ATRNL1: variants seen among roughly 807,000 people sequenced by gnomAD.
ATRNL1 encodes attractin-like protein 1.
Under a neutral mutation model 182.7 loss-of-function variants are expected in ATRNL1, and 95 were observed. That is an observed-to-expected ratio of 0.52 (90% CI 0.44 to 0.62). The LOEUF is 0.62. Among genes scored for constraint, ATRNL1 ranks in the 20% least tolerant of loss-of-function variants. The pLI is 0.00. For synonymous variants in ATRNL1, 576 were observed against 568.3 expected (o/e 1.01, Z -0.19); for missense variants, 1,471 against 1,679.5 (o/e 0.88, Z 2.17).
intron 10 of ATRNL1, among the ~76,000 whole-genome samples, chr10:115,244,665 G>T (rs562394455): frequency 4.6e-5 from 7 of 152,128 alleles, no homozygotes; most frequent in Admixed American, 2.0e-4. Flanking sequence ...GGTCAGATTT[G>T]AGAATCCAAA....
chr10:115,206,054 A>G (rs1397525835), intron 8 of ATRNL1, among the ~76,000 whole-genome samples: 1 of 152,038 alleles, frequency 6.6e-6, no homozygotes, highest in Admixed American at 6.6e-5. Context: ...GAACGTCTTT[A>G]TTTCACACTT....
At chr10:115,712,008 T>C (rs1565309134) in intron 26 of ATRNL1, among the ~76,000 whole-genome samples, 1 of 152,284 alleles carries the variant, frequency 6.6e-6, no homozygotes, top group East Asian at 1.9e-4. Context: ...GAGTTAAAAA[T>C]TCTTCAAATA....
chr10:115,103,259 G>A (rs1490461382), intron 1 of ATRNL1, among the ~76,000 whole-genome samples: 2 of 151,770 alleles, frequency 1.3e-5, no homozygotes, highest in African/African-American at 2.4e-5. Context: ...GGCTGGTCTC[G>A]AACTTCTGAC....
intron 26 of ATRNL1, among the ~76,000 whole-genome samples, chr10:115,591,868 A>G (rs1205998615): frequency 2.6e-5 from 4 of 152,120 alleles, no homozygotes; most frequent in African/African-American, 9.7e-5. Flanking sequence ...AGACACGTGC[A>G]CTCTTATTTT....
intron 28 of ATRNL1, among the ~76,000 whole-genome samples, chr10:115,884,413 A>G (rs1380846403): frequency 6.6e-6 from 1 of 152,198 alleles, no homozygotes. Flanking sequence ...CCCATAGTGG[A>G]TCATCTGGCT....
At chr10:115,368,526 A>C (rs11197187) in intron 19 of ATRNL1, among the ~76,000 whole-genome samples, 47,283 of 152,116 alleles carry the variant, frequency 0.31, 8,588 homozygotes, top group Middle Eastern at 0.45. Flanking sequence ...AGCTGTTCCT[A>C]TTCGGCCATC....
chr10:115,401,050 T>G (rs1209517275), intron 20 of ATRNL1, among the ~76,000 whole-genome samples: 1 of 152,056 alleles, frequency 6.6e-6, no homozygotes, highest in Non-Finnish European at 1.5e-5. Flanking sequence ...TGGAAAAAGA[T>G]AAACATTGAT....
At position 115,268,309 on chromosome 10, in the gene ATRNL1, C is replaced by T. The variant is rs1554911544; in HGVS notation, c.1982-17C>T. The T allele has an allele frequency of 2.8e-6, 4 of 1,419,310 alleles. No homozygotes were observed. In the East Asian group the frequency reaches 6.8e-5, roughly 24 times the overall value. The allele number at this position is 1,419,310 out of a possible 1,614,324, so 87.9% of individuals were successfully genotyped here. A position where few individuals can be genotyped will look rare whatever the true frequency, so the allele number is the denominator to read the frequency against. On this transcript the variant is annotated splice_polypyrimidine_tract_variant and intron_variant, in intron 12 of 28. Coordinates refer to ENST00000355044, the MANE Select transcript of ATRNL1 (RefSeq NM_207303.4). The stretch of plus-strand genomic sequence containing the variant: ...TTCTTTTCCGTGCTGATATATCGTC[C>T]CCCATTTGTATTATAGCTGCTTCTG...
At chr10:115,388,113 C>T (rs1843763526) in intron 19 of ATRNL1, among the ~76,000 whole-genome samples, 1 of 152,178 alleles carries the variant, frequency 6.6e-6, no homozygotes, top group South Asian at 2.1e-4. Flanking sequence ...AGCCTGGAAT[C>T]TATTCAGCTA....
chr10:115,671,030 G>T (rs537574793), intron 26 of ATRNL1, among the ~76,000 whole-genome samples: 2 of 152,196 alleles, frequency 1.3e-5, no homozygotes, highest in African/African-American at 4.8e-5. Flanking sequence ...TGTGGTAGTG[G>T]GGTTGGAGCA....
chr10:115,281,506 A>G lies in ATRNL1; in HGVS notation c.2233+19A>G. The G allele has an allele frequency of 6.2e-7, 1 of 1,610,922 alleles. No individual in the cohort carries two copies. Among genetic ancestry groups the G allele is most frequent in the South Asian group, 1.1e-5 (1 of 90,664 alleles). On this transcript the variant is annotated intron_variant, in intron 14 of 28. Coordinates refer to ENST00000355044, the MANE Select transcript of ATRNL1 (RefSeq NM_207303.4). ...TTACCAGGTAAAGATTTCAAAATTT[A>G]GTAAATGAGTTTATGGTCTACAGAT...
At chr10:115,223,655 C>T (rs1398844405) in intron 9 of ATRNL1, among the ~76,000 whole-genome samples, 1 of 151,456 alleles carries the variant, frequency 6.6e-6, no homozygotes, top group Non-Finnish European at 1.5e-5. Flanking sequence ...AGCATAATAC[C>T]TTATAATTGA....
intron 3 of ATRNL1, among the ~76,000 whole-genome samples, chr10:115,122,142 A>G (rs1214307277): frequency 6.6e-6 from 1 of 151,884 alleles, no homozygotes; most frequent in Non-Finnish European, 1.5e-5. Flanking sequence ...GCTGACAAAT[A>G]AATAGACAAG....
intron 21 of ATRNL1, among the ~76,000 whole-genome samples, chr10:115,429,200 A>T (rs1466511033): frequency 6.6e-6 from 1 of 152,018 alleles, no homozygotes; most frequent in Non-Finnish European, 1.5e-5. Context: ...GTATTTTTCA[A>T]AATTTTGTTT....
At chr10:115,280,000 T>A (rs567893780) in intron 13 of ATRNL1, among the ~76,000 whole-genome samples, 181 of 152,294 alleles carry the variant, frequency 1.2e-3, no homozygotes, top group African/African-American at 4.1e-3. Context: ...AAGGCTCCAT[T>A]ATGAAATCAT....
At chr10:115,109,511 C>T (rs535884748) in intron 1 of ATRNL1, among the ~76,000 whole-genome samples, 1 of 152,260 alleles carries the variant, frequency 6.6e-6, no homozygotes, top group East Asian at 1.9e-4. Flanking sequence ...CCTGCAATAA[C>T]AGCATTAATC....
At chr10:115,101,259 G>A (rs1843756551) in intron 1 of ATRNL1, among the ~76,000 whole-genome samples, 1 of 151,894 alleles carries the variant, frequency 6.6e-6, no homozygotes, top group African/African-American at 2.4e-5. Flanking sequence ...ATGAATAGAG[G>A]TGATGAGAGT....
intron 21 of ATRNL1, among the ~76,000 whole-genome samples, chr10:115,457,011 T>G (rs1847556596): frequency 6.6e-6 from 1 of 152,126 alleles, no homozygotes; most frequent in Non-Finnish European, 1.5e-5. Context: ...GCTCTTTTGT[T>G]CCTACCATCT....
At chr10:115,836,431 G>A (rs2134324809) in intron 27 of ATRNL1, among the ~76,000 whole-genome samples, 1 of 152,278 alleles carries the variant, frequency 6.6e-6, no homozygotes, top group South Asian at 2.1e-4. Context: ...AAACTTGGTG[G>A]CTTAAAAAAA....
Sources: allele counts gnomAD v4.1 joint callset (sites outside exome capture counted in the v4.1 genomes callset), GRCh38; gene constraint gnomAD v4.1.1; transcripts MANE v1.5; gene names NCBI Gene and HGNC (gene_info 2026-07-23, HGNC 2026-07-21).